Variants in STAU2 observed in about 807,000 individuals in gnomAD.
The protein encoded by STAU2 is double-stranded RNA-binding protein Staufen homolog 2.
A neutral mutation model predicts 65.9 loss-of-function variants in STAU2; 20 were observed. The observed-to-expected ratio is 0.30, with a 90% CI of 0.21 to 0.44. STAU2 has a LOEUF of 0.44. Ranked by LOEUF, STAU2 falls within the 20% of genes least tolerant of loss-of-function variation. The pLI, the probability that STAU2 is intolerant of heterozygous loss-of-function variation, is 1.00. For missense variants in STAU2, 558 were observed against 683.9 expected (o/e 0.82, Z 2.05); for synonymous variants, 232 against 233.9 (o/e 0.99, Z 0.07).
At chr8:73,569,070 T>C (rs1285760587) in intron 12 of STAU2, among the ~76,000 whole-genome samples, 3 of 152,152 alleles carry the variant, frequency 2.0e-5, no homozygotes, top group Non-Finnish European at 4.4e-5. Context: ...CAAGGGAAGC[T>C]GTGACAGATG....
intron 6 of STAU2, among the ~76,000 whole-genome samples, chr8:73,638,944 G>A (rs1814758958): frequency 1.3e-5 from 2 of 149,004 alleles, no homozygotes; most frequent in South Asian, 4.3e-4. Flanking sequence ...TGATTAATAT[G>A]AAATGATATC....
chr8:73,481,720 T>C (rs1056063589), intron 13 of STAU2, among the ~76,000 whole-genome samples: 1 of 152,146 alleles, frequency 6.6e-6, no homozygotes, highest in African/African-American at 2.4e-5. Context: ...AAATATTCAT[T>C]GCTTTGAATT....
intron 6 of STAU2, among the ~76,000 whole-genome samples, chr8:73,649,869 T>TTATTTTTA (rs71269927): frequency 4.2e-5 from 3 of 71,656 alleles, no homozygotes; most frequent in South Asian, 6.1e-4. Flanking sequence ...CTATATAATT[T>TTATTTTTA]TATATATATA....
chr8:73,428,001 A>C (rs1221669661), intron 13 of STAU2, among the ~76,000 whole-genome samples: 2 of 152,234 alleles, frequency 1.3e-5, no homozygotes, highest in Non-Finnish European at 2.9e-5. Flanking sequence ...CTCTCAGAGC[A>C]ATATCAAAAT....
chr8:73,486,745 T>C (rs2128913434), intron 13 of STAU2, among the ~76,000 whole-genome samples: 1 of 151,558 alleles, frequency 6.6e-6, no homozygotes, highest in East Asian at 1.9e-4. Flanking sequence ...CTTTACCTCC[T>C]GGGCTCAAGT....
intron 3 of STAU2, among the ~76,000 whole-genome samples, chr8:73,734,902 G>A (rs1169807290): frequency 6.6e-6 from 1 of 152,078 alleles, no homozygotes; most frequent in African/African-American, 2.4e-5. Context: ...AAATCACGTA[G>A]TAAAAATCTC....
chr8:73,724,879 G>T (rs1805519095), intron 3 of STAU2, among the ~76,000 whole-genome samples: 1 of 151,908 alleles, frequency 6.6e-6, no homozygotes, highest in Non-Finnish European at 1.5e-5. Context: ...GTAGAGATGG[G>T]TTTTCACCAT....
At position 73,617,394 on chromosome 8, in the gene STAU2, T is replaced by C. The variant is rs1169639347; in HGVS notation, c.468A>G (p.Glu156=). The C allele has an allele frequency of 4.3e-6, 7 of 1,614,068 alleles. No homozygotes were observed. Among genetic ancestry groups the C allele is most frequent in the African/African-American group, 1.3e-5 (1 of 74,992 alleles). ...GTCGAGTCTTTCCTTCCCCAAAAAA[T>C]TCATTATTTCCTACAGTGAGCTGAA... is the stretch of plus-strand genomic sequence containing the variant. ...FYVQLTVGNN[E]FFGEGKTRQA... Residue 156 remains glutamate, a synonymous_variant, in exon 7 of 15, where the codon GAA becomes GAG. Transcript: ENST00000524300.
At chr8:73,543,126 C>T (rs749805489) in intron 13 of STAU2, among the ~76,000 whole-genome samples, 8 of 152,056 alleles carry the variant, frequency 5.3e-5, no homozygotes, top group Non-Finnish European at 1.2e-4. Flanking sequence ...ATGGAACATG[C>T]GTGAATTTCA....
intron 13 of STAU2, among the ~76,000 whole-genome samples, chr8:73,503,813 T>C (rs527792972): frequency 1.3e-5 from 2 of 152,214 alleles, no homozygotes; most frequent in African/African-American, 2.4e-5. Flanking sequence ...CTAAATTTTA[T>C]ACTGTTTCTG....
intron 1 of STAU2, 51 bp downstream of exon 1, chr8:73,746,732 C>T: frequency 1.8e-6 from 2 of 1,136,702 alleles, no homozygotes. Context: ...CCTTCTTCGC[C>T]GGCGGCGCGG....
intron 13 of STAU2, among the ~76,000 whole-genome samples, chr8:73,542,033 C>A (rs945095367): frequency 6.6e-6 from 1 of 151,536 alleles, no homozygotes. Context: ...AATAGTGGTC[C>A]AAAACATTCC....
intron 13 of STAU2, among the ~76,000 whole-genome samples, chr8:73,455,884 T>TTCA (rs763286464): frequency 1.3e-5 from 2 of 152,136 alleles, no homozygotes; most frequent in Non-Finnish European, 2.9e-5. Flanking sequence ...TAAAACATAG[T>TTCA]GGATGTTCAG....
At chr8:73,535,736 A>G (rs896495592) in intron 13 of STAU2, among the ~76,000 whole-genome samples, 1 of 152,224 alleles carries the variant, frequency 6.6e-6, no homozygotes, top group Non-Finnish European at 1.5e-5. Context: ...AGGGCTTTGT[A>G]AAGAATTAAC....
At chr8:73,667,775 AGAT>A (rs2130371338) in intron 6 of STAU2, among the ~76,000 whole-genome samples, 1 of 152,380 alleles carries the variant, frequency 6.6e-6, no homozygotes, top group South Asian at 2.1e-4. Flanking sequence ...TGCTGAATGA[AGAT>A]GACCTCACGA....
At chr8:73,439,521 G>A in intron 13 of STAU2, among the ~76,000 whole-genome samples, 1 of 152,208 alleles carries the variant, frequency 6.6e-6, no homozygotes, top group East Asian at 1.9e-4. Flanking sequence ...AAGAGCCTGA[G>A]GCAGGAGAAT....
chr8:73,557,181 A>C (rs1807851221), intron 12 of STAU2, among the ~76,000 whole-genome samples: 2 of 152,248 alleles, frequency 1.3e-5, no homozygotes, highest in South Asian at 2.1e-4. Flanking sequence ...TCCACACTCA[A>C]GAGAGGCATT....
chr8:73,423,831 C>T (rs1306769928), intron 13 of STAU2, among the ~76,000 whole-genome samples: 1 of 152,098 alleles, frequency 6.6e-6, no homozygotes, highest in Non-Finnish European at 1.5e-5. Flanking sequence ...ATACGGTTTC[C>T]CCAATCATTA....
At position 73,427,276 on chromosome 8, in the gene STAU2, C is replaced by T. The variant is rs754001426; in HGVS notation, c.1531-4574G>A. 1.1e-4 allele frequency among the ~76,000 whole-genome samples: 17 copies of T among 152,114 alleles called. No homozygotes were observed. In the South Asian group the frequency reaches 1.7e-3, roughly 15 times the overall value. ...CTATCCACCCTTGGAGAGGTTGTGCCGGCAGCAGCAGTGGGAGGAGGGTGT... is the reference window on the plus strand; with the variant it reads ...CTATCCACCCTTGGAGAGGTTGTGCTGGCAGCAGCAGTGGGAGGAGGGTGT... On this transcript the variant is annotated intron_variant, in intron 13 of 14. Transcript: ENST00000524300.
Sources: allele counts gnomAD v4.1 joint callset (sites outside exome capture counted in the v4.1 genomes callset), GRCh38; gene constraint gnomAD v4.1.1; transcripts MANE v1.5; gene names NCBI Gene and HGNC (gene_info 2026-07-23, HGNC 2026-07-21).